DTHD1: variants seen among roughly 807,000 people sequenced by gnomAD.
DTHD1 encodes death domain-containing protein 1.
Under a neutral mutation model 74.8 loss-of-function variants are expected in DTHD1, and 59 were observed. The ratio of observed to expected loss-of-function variants is 0.79; its 90% CI spans 0.64 to 0.98. The LOEUF (loss-of-function observed/expected upper bound fraction) is 0.98. Ranked by LOEUF, DTHD1 falls within the 50% of genes least tolerant of loss-of-function variation. DTHD1 has a pLI of 0.00. For synonymous variants in DTHD1, 365 were observed against 371.1 expected, an observed-to-expected ratio of 0.98 and a Z score of 0.19; for missense variants, 1,051 against 1,065.4, an observed-to-expected ratio of 0.99 and a Z score of 0.19.
chr4:36,341,941 G>C (rs577939563), intron 9 of DTHD1, among the ~76,000 whole-genome samples: 1 of 152,316 alleles, frequency 6.6e-6, no homozygotes, highest in African/African-American at 2.4e-5. Flanking sequence ...TTAGGAGGTA[G>C]AGGTCAGCAG....
At chr4:36,317,572 A>T (rs911766400) in intron 8 of DTHD1, among the ~76,000 whole-genome samples, 1 of 152,160 alleles carries the variant, frequency 6.6e-6, no homozygotes, top group Non-Finnish European at 1.5e-5. Flanking sequence ...TTCCTCTTTT[A>T]TTTTTTAAAC....
At position 36,281,966 on chromosome 4, in the gene DTHD1, C is replaced by T. The variant is rs1175071079; in HGVS notation, c.208C>T (p.Arg70Cys). 11 of 1,484,742 alleles carry T rather than the reference C, an allele frequency of 7.4e-6. No homozygotes were observed. Among genetic ancestry groups the T allele is most frequent in the African/African-American group, 2.8e-5 (2 of 71,038 alleles). 92.0% of individuals were successfully genotyped at this position (1,484,742 alleles called of 1,614,324 possible). ...QLLEHTSGTL[R>C]STCQQLHVLL... ...GCTGGAGCACACCTCAGGCACCCTG[C>T]GTTCCACCTGCCAGCAGCTGCATGT... is the stretch of plus-strand genomic sequence containing the variant. Residue 70 changes from arginine to cysteine, a missense_variant, in exon 1 of 10, where the codon CGT (arginine) becomes TGT (cysteine). By Grantham distance (180) the Arg-to-Cys change is radical. Coordinates refer to ENST00000639862, the MANE Select transcript of DTHD1 (RefSeq NM_001170700.3).
chr4:36,342,800 G>T (rs1212921206), intron 9 of DTHD1, among the ~76,000 whole-genome samples: 1 of 151,734 alleles, frequency 6.6e-6, no homozygotes, highest in East Asian at 1.9e-4. Flanking sequence ...ACTCGGCCAG[G>T]CGTGGTGGCT....
At chr4:36,321,965 T>G (rs1758056627) in intron 8 of DTHD1, among the ~76,000 whole-genome samples, 1 of 152,230 alleles carries the variant, frequency 6.6e-6, no homozygotes, top group African/African-American at 2.4e-5. Flanking sequence ...CTTGCTGGAA[T>G]GTTCTTCCAT....
chr4:36,331,148 A>G (rs555795233), intron 8 of DTHD1, among the ~76,000 whole-genome samples: 11 of 152,136 alleles, frequency 7.2e-5, no homozygotes, highest in South Asian at 4.1e-4. Flanking sequence ...TTACTAAAAT[A>G]CACACAGGTA....
chr4:36,304,110 A>G (rs1040182221), intron 5 of DTHD1, among the ~76,000 whole-genome samples: 2 of 152,170 alleles, frequency 1.3e-5, no homozygotes, highest in African/African-American at 2.4e-5. Context: ...TATATACCCA[A>G]TGGTCCTGGG....
intron 7 of DTHD1, among the ~76,000 whole-genome samples, chr4:36,309,887 A>G (rs934924939): frequency 6.6e-6 from 1 of 152,130 alleles, no homozygotes; most frequent in Non-Finnish European, 1.5e-5. Context: ...TCCAGTTTCT[A>G]TTGTTGCCAT....
intron 4 of DTHD1, 116 bp from the exon 5 acceptor site, chr4:36,294,679 A>G: frequency 1.0e-6 from 1 of 957,540 alleles, no homozygotes; most frequent in Middle Eastern, 2.8e-4. Context: ...CTAACAATAC[A>G]TAGAGAAATG....
intron 8 of DTHD1, among the ~76,000 whole-genome samples, chr4:36,329,223 G>T (rs1239776058): frequency 1.3e-5 from 2 of 152,162 alleles, no homozygotes; most frequent in Non-Finnish European, 1.5e-5. Context: ...TAGGAGGGAG[G>T]GTAGTACCCT....
At chr4:36,296,384 C>G (rs1329463945) in intron 5 of DTHD1, among the ~76,000 whole-genome samples, 1 of 151,772 alleles carries the variant, frequency 6.6e-6, no homozygotes, top group African/African-American at 2.4e-5. Context: ...CGAGAACAAG[C>G]AAGTATTATT....
At chr4:36,302,127 G>A (rs144167041) in intron 5 of DTHD1, among the ~76,000 whole-genome samples, 165 of 152,274 alleles carry the variant, frequency 1.1e-3, no homozygotes, top group African/African-American at 3.8e-3. Context: ...ACAGTGGAGA[G>A]TTTTCTTGTT....
At chr4:36,327,275 T>G (rs1758411033) in intron 8 of DTHD1, among the ~76,000 whole-genome samples, 1 of 152,208 alleles carries the variant, frequency 6.6e-6, no homozygotes, top group African/African-American at 2.4e-5. Flanking sequence ...CCCAGGATTT[T>G]TTTAAATCTG....
At chr4:36,309,022 T>C (rs1292993211) in intron 7 of DTHD1, among the ~76,000 whole-genome samples, 1 of 152,234 alleles carries the variant, frequency 6.6e-6, no homozygotes, top group Non-Finnish European at 1.5e-5. Flanking sequence ...TATATTTCAG[T>C]ATTATTGCTA....
rs930074143 is a variant in DTHD1, at chr4:36,306,452, G to A, written c.1805+100G>A. The A allele has an allele frequency of 1.9e-5, 24 of 1,245,742 alleles. No individual in the cohort carries two copies. In the Admixed American group the frequency reaches 4.7e-4, roughly 24 times the overall value. 77.2% of individuals were successfully genotyped at this position (1,245,742 alleles called of 1,614,324 possible). A position where few individuals can be genotyped will look rare whatever the true frequency, so the allele number is the denominator to read the frequency against. ...TAGTAAGATTAAATTTTTATTCTTCGAATAGAAATATTAACCATTCTTTAA... is the reference window on the plus strand; with the variant it reads ...TAGTAAGATTAAATTTTTATTCTTCAAATAGAAATATTAACCATTCTTTAA... On this transcript the variant is annotated intron_variant, in intron 6 of 9. Coordinates refer to ENST00000639862, the MANE Select transcript of DTHD1 (RefSeq NM_001170700.3).
chr4:36,336,772 G>C (rs1295058029), intron 8 of DTHD1, among the ~76,000 whole-genome samples: 1 of 152,210 alleles, frequency 6.6e-6, no homozygotes. Context: ...GAAACAAACA[G>C]TTTCAAAGTA....
At chr4:36,330,779 A>G (rs1057100198) in intron 8 of DTHD1, among the ~76,000 whole-genome samples, 1 of 152,158 alleles carries the variant, frequency 6.6e-6, no homozygotes, top group African/African-American at 2.4e-5. Flanking sequence ...CAATACTTAC[A>G]TAAGCTTTTA....
intron 2 of DTHD1, 31 bp downstream of exon 2, chr4:36,284,622 G>A: frequency 7.0e-7 from 1 of 1,429,700 alleles, no homozygotes; most frequent in Non-Finnish European, 9.3e-7. Flanking sequence ...AAGTGCTTAA[G>A]TATGCCTACT....
rs1757179309 is a variant in DTHD1, at chr4:36,308,350, T to C, written c.1952T>C (p.Val651Ala). ...AATCCACATAGAATAGCTGTTTTAGTGGTGCCTTCCAAAGATTTAAGCCAG... is the reference window on the plus strand; with the variant it reads ...AATCCACATAGAATAGCTGTTTTAGCGGTGCCTTCCAAAGATTTAAGCCAG... The part of the protein sequence containing the change: ...KDNPHRIAVL[V>A]VPSKDLSQVL... The change falls in exon 7 of 10, where the codon GTG becomes GCG. Residue 651 changes from valine (V) to alanine (A), a missense_variant. Physicochemically the swap from Val to Ala is moderately conservative, Grantham distance 64 (BLOSUM62 0). Transcript: ENST00000639862. 1 of 1,551,866 alleles carries C rather than the reference T, an allele frequency of 6.4e-7. No individual in the cohort carries two copies. The highest frequency in any genetic ancestry group is 2.4e-5 in the East Asian group (1 of 40,924).
intron 7 of DTHD1, among the ~76,000 whole-genome samples, chr4:36,315,255 T>C (rs1423005572): frequency 6.6e-6 from 1 of 152,218 alleles, no homozygotes; most frequent in Non-Finnish European, 1.5e-5. Flanking sequence ...TCACAAAAGC[T>C]CTAGAATTTT....
Sources: allele counts gnomAD v4.1 joint callset (sites outside exome capture counted in the v4.1 genomes callset), GRCh38; gene constraint gnomAD v4.1.1; transcripts MANE v1.5; gene names NCBI Gene and HGNC (gene_info 2026-07-23, HGNC 2026-07-21).